SNX29: variants seen among roughly 807,000 people sequenced by gnomAD.
SNX29 encodes the protein sorting nexin-29.
Under a neutral mutation model 102.1 loss-of-function variants are expected in SNX29, and 78 were observed. That is an observed-to-expected ratio of 0.76 (90% CI 0.64 to 0.92). The LOEUF (loss-of-function observed/expected upper bound fraction) is 0.92, where lower values mean the gene tolerates loss of function less well. Among genes scored for constraint, SNX29 ranks in the 40% least tolerant of loss-of-function variants. SNX29 has a pLI of 0.00. For missense variants in SNX29, 1,280 were observed against 1,061.7 expected (o/e 1.21, Z -2.86); for synonymous variants, 580 against 414.5 (o/e 1.40, Z -4.85).
intron 20 of SNX29, among the ~76,000 whole-genome samples, chr16:12,568,303 T>TAAAAA (rs10633753): frequency 0.031 from 2,464 of 80,664 alleles, 66 homozygotes; most frequent in African/African-American, 0.091. Flanking sequence ...CGGAGTGCTG[T>TAAAAA]TAAAAAAAAA....
At chr16:12,518,389 C>G (rs1567645734) in intron 19 of SNX29, among the ~76,000 whole-genome samples, 1 of 152,192 alleles carries the variant, frequency 6.6e-6, no homozygotes, top group African/African-American at 2.4e-5. Flanking sequence ...AAGCCAAGCT[C>G]CTTCTGCCTG....
chr16:12,533,451 G>A (rs1427295038), intron 20 of SNX29, among the ~76,000 whole-genome samples: 1 of 152,132 alleles, frequency 6.6e-6, no homozygotes, highest in Non-Finnish European at 1.5e-5. Flanking sequence ...CACTAATGTT[G>A]CACCTCCCCA....
intron 11 of SNX29, among the ~76,000 whole-genome samples, chr16:12,106,410 C>T (rs2053242626): frequency 6.6e-6 from 1 of 152,104 alleles, no homozygotes; most frequent in African/African-American, 2.4e-5. Context: ...TCCACGTGTC[C>T]ATCACATGCA....
intron 19 of SNX29, among the ~76,000 whole-genome samples, chr16:12,523,892 T>C (rs369805421): frequency 2.6e-5 from 4 of 151,954 alleles, no homozygotes; most frequent in Admixed American, 2.6e-4. Context: ...TAGGTTTTTT[T>C]TGTGTGTGTG....
At chr16:12,211,278 C>G (rs76610612) in intron 14 of SNX29, among the ~76,000 whole-genome samples, 1 of 152,122 alleles carries the variant, frequency 6.6e-6, no homozygotes, top group Non-Finnish European at 1.5e-5. Flanking sequence ...CAGGTAATTT[C>G]GAATACATAT....
At chr16:12,015,814 C>A (rs577912959) in intron 3 of SNX29, among the ~76,000 whole-genome samples, 1 of 150,280 alleles carries the variant, frequency 6.7e-6, no homozygotes, top group Non-Finnish European at 1.5e-5. Context: ...GGATTACAGG[C>A]GCCTGAGCCA....
chr16:12,162,258 T>A (rs759134542), intron 13 of SNX29, among the ~76,000 whole-genome samples: 11 of 152,180 alleles, frequency 7.2e-5, no homozygotes, highest in Non-Finnish European at 1.3e-4. Flanking sequence ...AGGGGCCTCG[T>A]CTGTTTACCC....
intron 1 of SNX29, among the ~76,000 whole-genome samples, chr16:11,982,398 A>G (rs959343849): frequency 6.7e-6 from 1 of 149,458 alleles, no homozygotes; most frequent in Non-Finnish European, 1.5e-5. Context: ...TTCATCCTTA[A>G]GTTCCTGGAT....
At chr16:12,281,657 G>T (rs1264926919) in intron 15 of SNX29, among the ~76,000 whole-genome samples, 1 of 152,168 alleles carries the variant, frequency 6.6e-6, no homozygotes, top group Non-Finnish European at 1.5e-5. Context: ...GGGTTTTTAC[G>T]TAGATGAACA....
intron 18 of SNX29, among the ~76,000 whole-genome samples, chr16:12,437,811 C>T (rs1023609054): frequency 6.6e-6 from 1 of 152,306 alleles, no homozygotes; most frequent in African/African-American, 2.4e-5. Flanking sequence ...GCTGCACCAT[C>T]AGTGAAGCAG....
intron 15 of SNX29, among the ~76,000 whole-genome samples, chr16:12,348,374 C>T (rs925881735): frequency 1.3e-5 from 2 of 152,212 alleles, no homozygotes; most frequent in Non-Finnish European, 2.9e-5. Context: ...TCTCCTTTGG[C>T]CTTGCATTGG....
At chr16:12,513,329 GCCTGCCCTGC>G (rs368518698) in intron 19 of SNX29, among the ~76,000 whole-genome samples, 49 of 117,828 alleles carry the variant, frequency 4.2e-4, no homozygotes, top group South Asian at 8.3e-4. Flanking sequence ...CCCTTCCCCT[GCCTGCCCTGC>G]CCTGCCCTGC....
intron 18 of SNX29, among the ~76,000 whole-genome samples, chr16:12,422,246 G>C (rs1462475889): frequency 6.6e-6 from 1 of 152,140 alleles, no homozygotes; most frequent in African/African-American, 2.4e-5. Flanking sequence ...CACCTGTTGG[G>C]CCTCAGGTTA....
At chr16:12,394,864 C>T (rs145936951) in intron 16 of SNX29, among the ~76,000 whole-genome samples, 315 of 152,278 alleles carry the variant, frequency 2.1e-3, no homozygotes, top group African/African-American at 7.3e-3. Flanking sequence ...CACCTCTGCC[C>T]ACCTGCTGTG....
At chr16:12,548,456 CTT>C (rs953560842) in intron 20 of SNX29, among the ~76,000 whole-genome samples, 1 of 152,206 alleles carries the variant, frequency 6.6e-6, no homozygotes, top group African/African-American at 2.4e-5. Context: ...GCATCTGTGT[CTT>C]TTGGACAGCA....
chr16:12,522,998 G>C (rs1293045025), intron 19 of SNX29, among the ~76,000 whole-genome samples: 1 of 152,146 alleles, frequency 6.6e-6, no homozygotes, highest in Non-Finnish European at 1.5e-5. Context: ...TTTTTATAGA[G>C]ATTGGGCCTT....
intron 18 of SNX29, among the ~76,000 whole-genome samples, chr16:12,423,819 G>A (rs1290248853): frequency 6.6e-6 from 1 of 152,186 alleles, no homozygotes; most frequent in Non-Finnish European, 1.5e-5. Flanking sequence ...TGATCCACCA[G>A]CCTCAGCTTC....
chr16:12,110,834 T>A (rs1013827628), intron 11 of SNX29, among the ~76,000 whole-genome samples: 43 of 152,184 alleles, frequency 2.8e-4, no homozygotes, highest in Middle Eastern at 3.4e-3. Flanking sequence ...TTTTAATTTT[T>A]TTTTTTTGAG....
At chr16:12,022,742 T>G (rs2057067205) in intron 3 of SNX29, among the ~76,000 whole-genome samples, 1 of 152,172 alleles carries the variant, frequency 6.6e-6, no homozygotes, top group African/African-American at 2.4e-5. Context: ...AGTCATAAAT[T>G]GAACCATGGT....
Sources: gnomAD v4.1 joint callset for allele counts (sites outside exome capture counted in the v4.1 genomes callset) on GRCh38, gnomAD v4.1.1 for gene constraint, MANE v1.5 for transcripts, NCBI Gene and HGNC (gene_info 2026-07-23, HGNC 2026-07-21) for gene names.